Variants in NXPH1 observed in about 807,000 individuals in gnomAD.
The protein encoded by NXPH1 is neurexophilin-1.
A neutral mutation model predicts 23.7 loss-of-function variants in NXPH1; 5 were observed. The observed-to-expected ratio is 0.21, with a 90% CI of 0.11 to 0.44. NXPH1 has a LOEUF of 0.44. NXPH1 is among the 20% of genes least tolerant of loss of function. The probability of loss-of-function intolerance (pLI) is 0.99; values close to 1 mark genes in which losing one functional copy is unlikely to be tolerated. For synonymous variants in NXPH1, 144 were observed against 122.2 expected (o/e 1.18, Z -1.18); for missense variants, 324 against 321.6 (o/e 1.01, Z -0.06).
intron 2 of NXPH1, among the ~76,000 whole-genome samples, chr7:8,716,318 G>T (rs1335112128): frequency 6.6e-6 from 1 of 152,050 alleles, no homozygotes; most frequent in East Asian, 1.9e-4. Flanking sequence ...GCAATTCTTT[G>T]TATAAAAAGT....
At chr7:8,537,598 T>G (rs975767239) in intron 2 of NXPH1, among the ~76,000 whole-genome samples, 4 of 151,700 alleles carry the variant, frequency 2.6e-5, no homozygotes, top group Admixed American at 2.6e-4. Context: ...CCATGACACA[T>G]GGGGATTATG....
At chr7:8,497,984 A>G (rs2128612108) in intron 2 of NXPH1, among the ~76,000 whole-genome samples, 1 of 152,036 alleles carries the variant, frequency 6.6e-6, no homozygotes, top group South Asian at 2.1e-4. Flanking sequence ...TCTAGGGAAT[A>G]ACAACAGATT....
At chr7:8,525,120 T>C (rs950699955) in intron 2 of NXPH1, among the ~76,000 whole-genome samples, 2 of 152,174 alleles carry the variant, frequency 1.3e-5, no homozygotes, top group African/African-American at 4.8e-5. Context: ...GATAGCGATA[T>C]GGACAATAAA....
intron 2 of NXPH1, among the ~76,000 whole-genome samples, chr7:8,581,165 C>T (rs945376406): frequency 6.6e-6 from 1 of 152,184 alleles, no homozygotes; most frequent in Non-Finnish European, 1.5e-5. Context: ...AAGCCATTCT[C>T]TTTCTCATTC....
chr7:8,677,953 A>G (rs988678463), intron 2 of NXPH1, among the ~76,000 whole-genome samples: 8 of 152,056 alleles, frequency 5.3e-5, no homozygotes, highest in East Asian at 3.9e-4. Flanking sequence ...ACATTTATAT[A>G]TATTTTATAA....
At chr7:8,749,480 A>T (rs1345282441) in intron 2 of NXPH1, among the ~76,000 whole-genome samples, 1 of 152,172 alleles carries the variant, frequency 6.6e-6, no homozygotes, top group East Asian at 1.9e-4. Context: ...TTCAGGTCAC[A>T]TTTGTATCCT....
At chr7:8,556,210 G>T (rs1818357012) in intron 2 of NXPH1, among the ~76,000 whole-genome samples, 1 of 151,644 alleles carries the variant, frequency 6.6e-6, no homozygotes, top group Non-Finnish European at 1.5e-5. Context: ...GGAAAAGAGT[G>T]ATTACATAGA....
chr7:8,747,262 T>A (rs1464989569), intron 2 of NXPH1, among the ~76,000 whole-genome samples: 1 of 152,240 alleles, frequency 6.6e-6, no homozygotes, highest in Non-Finnish European at 1.5e-5. Context: ...CCATAATTAC[T>A]ACAGCTGTGG....
Position 8,672,391 on chromosome 7 carries a change from A to C in NXPH1, c.55-78617A>C, listed in dbSNP as rs547761740. Reference sequence around the variant, plus strand: ...TGCTAAATGACGAGTTAATGGGTGCAGCACACCAGTATGGCACATGTATAC... The same window carrying C: ...TGCTAAATGACGAGTTAATGGGTGCCGCACACCAGTATGGCACATGTATAC... On this transcript the variant is annotated intron_variant, in intron 2 of 2. Coordinates refer to ENST00000405863, the MANE Select transcript of NXPH1 (RefSeq NM_152745.3). Among the ~76,000 whole-genome samples the C allele has an allele frequency of 5.3e-5, 8 of 152,268 alleles. No homozygotes were observed. The South Asian group carries it at 1.7e-3, about 32-fold the overall frequency.
At chr7:8,578,085 T>C (rs985389874) in intron 2 of NXPH1, among the ~76,000 whole-genome samples, 1 of 152,184 alleles carries the variant, frequency 6.6e-6, no homozygotes, top group Non-Finnish European at 1.5e-5. Context: ...ATGTTTCTTA[T>C]TGTTTTAAGC....
chr7:8,596,029 T>A (rs955130765), intron 2 of NXPH1, among the ~76,000 whole-genome samples: 1 of 152,104 alleles, frequency 6.6e-6, no homozygotes, highest in Non-Finnish European at 1.5e-5. Context: ...GTTTGATATG[T>A]CTATGATGTA....
chr7:8,749,259 A>T lies in NXPH1; in HGVS notation c.55-1749A>T, dbSNP rs185536088. Reference sequence around the variant, plus strand: ...TGTTTAGCTCACTCAATCCTCACAAACTTATGAAGTAGATATCATATTGCC... The same window carrying T: ...TGTTTAGCTCACTCAATCCTCACAATCTTATGAAGTAGATATCATATTGCC... On this transcript the variant is annotated intron_variant, in intron 2 of 2. Transcript: ENST00000405863. 3.7e-4 allele frequency among the ~76,000 whole-genome samples: 57 copies of T among 152,302 alleles called. No individual in the cohort carries two copies. In the East Asian group the frequency reaches 0.011, roughly 28 times the overall value.
chr7:8,460,688 C>T (rs1816678591), intron 2 of NXPH1, among the ~76,000 whole-genome samples: 1 of 152,276 alleles, frequency 6.6e-6, no homozygotes, highest in African/African-American at 2.4e-5. Flanking sequence ...TATTGCACTC[C>T]AGGCTTTTGT....
At chr7:8,464,108 C>T (rs998296988) in intron 2 of NXPH1, among the ~76,000 whole-genome samples, 1 of 151,976 alleles carries the variant, frequency 6.6e-6, no homozygotes, top group Non-Finnish European at 1.5e-5. Flanking sequence ...GCTCTTTGTC[C>T]TTCACTCCTC....
At chr7:8,518,678 G>A (rs1005082088) in intron 2 of NXPH1, among the ~76,000 whole-genome samples, 12 of 151,744 alleles carry the variant, frequency 7.9e-5, no homozygotes, top group Non-Finnish European at 1.2e-4. Context: ...TAGAGATGAG[G>A]TCTTCCTATG....
At chr7:8,665,700 T>G (rs79302916) in intron 2 of NXPH1, among the ~76,000 whole-genome samples, 1 of 151,970 alleles carries the variant, frequency 6.6e-6, no homozygotes, top group Non-Finnish European at 1.5e-5. Context: ...ATCAATACTT[T>G]ATAGTTTTCA....
chr7:8,598,696 A>T (rs1444389629), intron 2 of NXPH1, among the ~76,000 whole-genome samples: 3 of 152,194 alleles, frequency 2.0e-5, no homozygotes, highest in Non-Finnish European at 4.4e-5. Flanking sequence ...GATAAAATGT[A>T]CTTGTATCTC....
At chr7:8,662,771 T>C (rs1218132087) in intron 2 of NXPH1, among the ~76,000 whole-genome samples, 1 of 152,088 alleles carries the variant, frequency 6.6e-6, no homozygotes, top group African/African-American at 2.4e-5. Context: ...ATCTATTCAA[T>C]GTTGCAGTGA....
intron 2 of NXPH1, among the ~76,000 whole-genome samples, chr7:8,448,745 G>C (rs917554201): frequency 6.6e-6 from 1 of 151,340 alleles, no homozygotes. Context: ...AACCTGGGAG[G>C]GGGAGGTTGC....
Sources: gnomAD v4.1 joint callset for allele counts (sites outside exome capture counted in the v4.1 genomes callset) on GRCh38, gnomAD v4.1.1 for gene constraint, MANE v1.5 for transcripts, NCBI Gene and HGNC (gene_info 2026-07-23, HGNC 2026-07-21) for gene names.